The following PCDHGA4 variants were observed in gnomAD, a reference collection of about 807,000 sequenced individuals.
PCDHGA4 encodes the protein protocadherin gamma subfamily A, 4.
Under a neutral mutation model 54.6 loss-of-function variants are expected in PCDHGA4, and 38 were observed. The observed-to-expected ratio is 0.70, with a 90% CI of 0.54 to 0.91. PCDHGA4 has a LOEUF of 0.91. PCDHGA4 is among the 40% of genes least tolerant of loss of function. The pLI is 0.00. For synonymous variants in PCDHGA4, 511 were observed against 512.9 expected, an observed-to-expected ratio of 1.00 and a Z score of 0.05; for missense variants, 1,298 against 1,220.9, an observed-to-expected ratio of 1.06 and a Z score of -0.94.
In PCDHGA4 at chr5:141,490,959, C is replaced by T. The variant is rs1385897960; in HGVS notation, c.2515-3848C>T. ...TGCACCCACGGCCAGACTGGGAACA[C>T]TCAGCCCCCCAGCGTCTCCCTCGCT... On this transcript the variant is annotated intron_variant, in intron 1 of 3. Transcript: ENST00000571252. The surrounding 1 kb of genome is among the most constrained non-coding windows in gnomAD (Gnocchi z 5.4). 6.2e-7 allele frequency: 1 copy of T among 1,613,844 alleles called. No individual in the cohort carries two copies. Among genetic ancestry groups the T allele is most frequent in the South Asian group, 1.1e-5 (1 of 91,038 alleles).
chr5:141,483,013 A>C (rs2154579792), intron 1 of PCDHGA4, among the ~76,000 whole-genome samples: 1 of 152,106 alleles, frequency 6.6e-6, no homozygotes, highest in Middle Eastern at 3.4e-3. Flanking sequence ...TGAACCCGGG[A>C]GGCAGAGGTT....
chr5:141,406,079 T>C (rs570702423), intron 1 of PCDHGA4, among the ~76,000 whole-genome samples: 2 of 151,808 alleles, frequency 1.3e-5, no homozygotes, highest in South Asian at 2.1e-4. Context: ...CTCCTTTTTT[T>C]TTTTTTTTAA....
chr5:141,418,883 G>A (rs376245268), intron 1 of PCDHGA4: 5 of 1,613,960 alleles, frequency 3.1e-6, no homozygotes, highest in East Asian at 2.2e-5. Flanking sequence ...AGACGAAAAC[G>A]ACAACAGCCC....
At position 141,491,065 on chromosome 5, in the gene PCDHGA4, C is replaced by T; in HGVS notation, c.2515-3742C>T. On this transcript the variant is annotated intron_variant, in intron 1 of 3. Transcript: ENST00000571252. This position sits in a 1 kb window ranked among gnomAD's most constrained non-coding sequence, Gnocchi z 6.9. ...CCACAATGCGTGGCTCTCCTACTCA[C>T]TGTTGCCACAGTCCACAGCCCCAGG... 4 of 1,614,210 alleles carry T rather than the reference C, an allele frequency of 2.5e-6. No individual in the cohort carries two copies. Among genetic ancestry groups the T allele is most frequent in the Admixed American group, 1.7e-5 (1 of 60,030 alleles).
intron 1 of PCDHGA4, chr5:141,371,489 C>T (rs548103153): frequency 1.9e-6 from 3 of 1,613,918 alleles, no homozygotes; most frequent in Non-Finnish European, 2.5e-6. Context: ...TGGGGACTGC[C>T]GTTGCCCTGA....
chr5:141,366,731 AAAG>A (rs745983303), intron 1 of PCDHGA4: 28 of 1,613,012 alleles, frequency 1.7e-5, no homozygotes, highest in Non-Finnish European at 2.1e-5. Flanking sequence ...AGATGCAAAC[AAAG>A]AAGAACGGCG....
rs2099605485 is a variant in PCDHGA4 at position 141,485,030 on chromosome 5, G to A, written c.2515-9777G>A. 1 of 674,340 alleles carries A rather than the reference G, an allele frequency of 1.5e-6. No individual in the cohort carries two copies. Among genetic ancestry groups the A allele is most frequent in the East Asian group, 2.6e-5 (1 of 38,292 alleles). The allele number at this position is 674,340 out of a possible 1,614,324, so 41.8% of individuals were successfully genotyped here. A position where few individuals can be genotyped will look rare whatever the true frequency, so the allele number is the denominator to read the frequency against. ...CTACCCCGCCACCAGCAAAAACGGC[G>A]CGTAACCCTTGCGGCGCCGGCCGAA... On this transcript the variant is annotated intron_variant, in intron 1 of 3. Transcript: ENST00000571252. The surrounding 1 kb of genome is among the most constrained non-coding windows in gnomAD (Gnocchi z 5.7).
intron 1 of PCDHGA4, chr5:141,427,902 C>G: frequency 6.4e-7 from 1 of 1,573,742 alleles, no homozygotes; most frequent in South Asian, 1.1e-5. Flanking sequence ...CTCGCCCGCG[C>G]TCAGCGCCAA....
intron 1 of PCDHGA4, among the ~76,000 whole-genome samples, chr5:141,454,204 T>G (rs1161344350): frequency 3.3e-5 from 5 of 152,170 alleles, no homozygotes; most frequent in Non-Finnish European, 1.5e-5. Context: ...GTGAATTTAT[T>G]GACATGAATG....
At chr5:141,488,599 C>T (rs1017044328) in intron 1 of PCDHGA4, among the ~76,000 whole-genome samples, 1 of 152,152 alleles carries the variant, frequency 6.6e-6, no homozygotes, top group Non-Finnish European at 1.5e-5. Flanking sequence ...CAAGACTTTA[C>T]AAGGTTCTTA....
At chr5:141,436,471 A>G (rs1249793994) in intron 1 of PCDHGA4, among the ~76,000 whole-genome samples, 1 of 152,204 alleles carries the variant, frequency 6.6e-6, no homozygotes, top group Non-Finnish European at 1.5e-5. Flanking sequence ...TTTCAGATGT[A>G]TCATAGAAGG....
rs571588941 is a variant in PCDHGA4, at chr5:141,428,181, A to T, written c.2515-66626A>T. The T allele has an allele frequency of 1.2e-4, 181 of 1,486,230 alleles. 2 individuals carry two copies. In the South Asian group the frequency reaches 2.0e-3, roughly 16 times the overall value. The allele number at this position is 1,486,230 out of a possible 1,614,324, so 92.1% of individuals were successfully genotyped here. A position where few individuals can be genotyped will look rare whatever the true frequency, so the allele number is the denominator to read the frequency against. ...CTGGTTGCTGTGCGTGACGGAGGAC[A>T]GCCGCCGCTCTCTGCGCCGCTACGC... On this transcript the variant is annotated intron_variant, in intron 1 of 3. Coordinates refer to ENST00000571252, the MANE Select transcript of PCDHGA4 (RefSeq NM_018917.4).
chr5:141,475,984 G>A, intron 1 of PCDHGA4: 2 of 1,069,308 alleles, frequency 1.9e-6, no homozygotes, highest in Non-Finnish European at 2.7e-6. Flanking sequence ...AACAGCCGGC[G>A]AGCAAATCAA....
intron 1 of PCDHGA4, among the ~76,000 whole-genome samples, chr5:141,484,795 C>T (rs1265916821): frequency 6.6e-6 from 1 of 151,784 alleles, no homozygotes; most frequent in African/African-American, 2.4e-5. Context: ...AGATAACAAC[C>T]CGTGGAAAAA....
At chr5:141,394,288 C>T in intron 1 of PCDHGA4, 1 of 1,613,944 alleles carries the variant, frequency 6.2e-7, no homozygotes, top group Non-Finnish European at 8.5e-7. Flanking sequence ...TACTCTGTGA[C>T]CGAGGACACG....
In PCDHGA4 at chr5:141,383,030, T is replaced by C. The variant is rs756178371; in HGVS notation, c.2514+25409T>C. 2 of 1,613,742 alleles carry C rather than the reference T, an allele frequency of 1.2e-6. No individual in the cohort carries two copies. Among genetic ancestry groups the C allele is most frequent in the Non-Finnish European group, 1.7e-6 (2 of 1,179,874 alleles). ...TCGGAGGAGACGGACAAAGGGTCCT[T>C]TGTGGGAGACATCGCCAAGGACCTG... On this transcript the variant is annotated intron_variant, in intron 1 of 3. Coordinates refer to ENST00000571252, the MANE Select transcript of PCDHGA4 (RefSeq NM_018917.4).
At chr5:141,365,117 A>G (rs764671143) in intron 1 of PCDHGA4, 2 of 1,613,924 alleles carry the variant, frequency 1.2e-6, no homozygotes, top group Non-Finnish European at 1.7e-6. Flanking sequence ...TCGGCTGCTC[A>G]TGCTAACCGC....
intron 1 of PCDHGA4, among the ~76,000 whole-genome samples, chr5:141,481,692 G>T (rs1231630072): frequency 6.6e-6 from 1 of 152,020 alleles, no homozygotes; most frequent in African/African-American, 2.4e-5. Context: ...GGTGGCTCAC[G>T]CCTGTAATCC....
At chr5:141,383,473 C>A (rs764928203) in intron 1 of PCDHGA4, 1 of 1,613,568 alleles carries the variant, frequency 6.2e-7, no homozygotes, top group African/African-American at 1.3e-5. Flanking sequence ...AACTAAGTAC[C>A]CGGAACTGGT....
Sources: allele counts gnomAD v4.1 joint callset (sites outside exome capture counted in the v4.1 genomes callset), GRCh38; gene constraint gnomAD v4.1.1; non-coding constraint Gnocchi (gnomAD v3.1); transcripts MANE v1.5; gene names NCBI Gene and HGNC (gene_info 2026-07-23, HGNC 2026-07-21).